The following DIAPH2 variants were observed in gnomAD, a reference collection of about 807,000 sequenced individuals.
The protein encoded by DIAPH2 is diaphanous related formin 2.
In DIAPH2, 35 loss-of-function variants were observed where a neutral mutation model predicts 92.7. The observed-to-expected ratio is 0.38, with a 90% CI of 0.29 to 0.50. DIAPH2 has a LOEUF of 0.50. Among genes scored for constraint, DIAPH2 ranks in the 20% least tolerant of loss-of-function variants. The probability of loss-of-function intolerance (pLI) is 0.94; values close to 1 mark genes in which losing one functional copy is unlikely to be tolerated. For synonymous variants in DIAPH2, 301 were observed against 280.4 expected (o/e 1.07, Z -0.73); for missense variants, 701 against 819.5 (o/e 0.86, Z 1.77).
At chrX:97,228,322 A>G (rs979640172) in intron 22 of DIAPH2, among the ~76,000 whole-genome samples, 1 of 111,886 alleles carries the variant, frequency 8.9e-6, no homozygotes, top group Non-Finnish European at 1.9e-5. Context: ...TTAGCTGCAA[A>G]TACATGAGGC....
chrX:97,486,541 GGT>G (rs2070689892), intron 26 of DIAPH2, among the ~76,000 whole-genome samples: 1 of 111,481 alleles, frequency 9.0e-6, no homozygotes, highest in South Asian at 3.8e-4. Flanking sequence ...GCCATTTCCT[GGT>G]GTGCTACCTG....
chrX:97,245,237 C>T (rs185263328), intron 22 of DIAPH2, among the ~76,000 whole-genome samples: 1 of 110,825 alleles, frequency 9.0e-6, no homozygotes, highest in Admixed American at 9.7e-5. Context: ...CTCCCAGGCT[C>T]AAGCGATCCT....
chrX:97,592,061 A>G (rs1303909518), intron 26 of DIAPH2, among the ~76,000 whole-genome samples: 1 of 112,144 alleles, frequency 8.9e-6, no homozygotes, highest in Non-Finnish European at 1.9e-5. Context: ...TCAGAATCCC[A>G]AGAGATTGGC....
At chrX:97,143,021 G>A (rs1290278066) in intron 22 of DIAPH2, among the ~76,000 whole-genome samples, 1 of 111,369 alleles carries the variant, frequency 9.0e-6, no homozygotes, top group Non-Finnish European at 1.9e-5. Flanking sequence ...AGTTTGTATC[G>A]TTTTGTGGTC....
chrX:97,452,436 T>G (rs1306999941), intron 26 of DIAPH2, among the ~76,000 whole-genome samples: 2 of 111,814 alleles, frequency 1.8e-5, no homozygotes, highest in African/African-American at 3.2e-5. Flanking sequence ...AATGACAAAT[T>G]TAGCATTCTG....
At position 97,045,892 on chromosome X, in the gene DIAPH2, C is replaced by A. The variant is rs753454192; in HGVS notation, c.2051-27049C>A. On this transcript the variant is annotated intron_variant, in intron 17 of 26. Transcript: ENST00000324765. Reference sequence around the variant, plus strand: ...TTTTTGAGACAGAGTCTCTATAGGCCAGGCTGGATGGAGTGCAGTGGTGCA... The same window carrying A: ...TTTTTGAGACAGAGTCTCTATAGGCAAGGCTGGATGGAGTGCAGTGGTGCA... Among the ~76,000 whole-genome samples the A allele has an allele frequency of 6.3e-5, 6 of 94,885 alleles. No individual in the cohort carries two copies. In the East Asian group the frequency reaches 1.9e-3, roughly 31 times the overall value. 82.4% of individuals were successfully genotyped at this position (94,885 alleles called of 115,157 possible).
intron 4 of DIAPH2, among the ~76,000 whole-genome samples, chrX:96,790,282 G>T (rs747709004): frequency 2.4e-4 from 26 of 110,002 alleles, no homozygotes; most frequent in African/African-American, 8.3e-4. Flanking sequence ...TGTTGGTCAG[G>T]CTGGTCTCAA....
chrX:97,068,216 G>A (rs2066645995), intron 17 of DIAPH2, among the ~76,000 whole-genome samples: 1 of 111,388 alleles, frequency 9.0e-6, no homozygotes, highest in Admixed American at 9.6e-5. Flanking sequence ...ATGACCTTGG[G>A]CATATGATCA....
At chrX:96,986,642 CAG>C (rs1175628890) in intron 17 of DIAPH2, among the ~76,000 whole-genome samples, 2 of 111,261 alleles carry the variant, frequency 1.8e-5, no homozygotes, top group Admixed American at 9.6e-5. Context: ...ATTTACATAA[CAG>C]AAATACAAGA....
chrX:97,308,455 T>C (rs2068764805), intron 23 of DIAPH2, among the ~76,000 whole-genome samples: 1 of 109,856 alleles, frequency 9.1e-6, no homozygotes, highest in East Asian at 2.9e-4. Flanking sequence ...TTTCCCTCAC[T>C]TCTGTACAGC....
intron 23 of DIAPH2, among the ~76,000 whole-genome samples, chrX:97,271,196 G>C (rs1228307293): frequency 2.7e-5 from 3 of 111,218 alleles, no homozygotes; most frequent in Non-Finnish European, 5.7e-5. Context: ...TGCTAATACA[G>C]CCTTGTATTT....
intron 26 of DIAPH2, among the ~76,000 whole-genome samples, chrX:97,595,558 C>A: frequency 9.2e-6 from 1 of 108,676 alleles, no homozygotes; most frequent in East Asian, 2.8e-4. Flanking sequence ...TGCACATTTT[C>A]TTTTCTTTCT....
chrX:97,373,717 C>G (rs1452726588), intron 24 of DIAPH2, among the ~76,000 whole-genome samples: 1 of 106,478 alleles, frequency 9.4e-6, no homozygotes. Flanking sequence ...AGCGATTCTC[C>G]TGCCTCAGCC....
At chrX:97,321,530 G>T in intron 23 of DIAPH2, among the ~76,000 whole-genome samples, 1 of 92,387 alleles carries the variant, frequency 1.1e-5, no homozygotes. Context: ...ATGTGTTTTT[G>T]TTGTTGTGTT....
In DIAPH2 at chrX:96,703,402, G is replaced by A. The variant is rs188666729; in HGVS notation, c.132+18212G>A. Among the ~76,000 whole-genome samples the A allele has an allele frequency of 2.6e-3, 294 of 111,827 alleles. 2 individuals carry two copies. The highest frequency in any genetic ancestry group is 9.0e-3 in the African/African-American group (277 of 30,803). On this transcript the variant is annotated intron_variant, in intron 1 of 26. Transcript: ENST00000324765. ...GATACCTTTTGGCATGCTTTAATTT[G>A]ACAGCTTTGAACTTGCAAAATTAAA... is the stretch of plus-strand genomic sequence containing the variant.
chrX:96,710,513 A>G (rs1369977425), intron 1 of DIAPH2, among the ~76,000 whole-genome samples: 1 of 111,071 alleles, frequency 9.0e-6, no homozygotes, highest in Non-Finnish European at 1.9e-5. Flanking sequence ...TGGTGATTCT[A>G]TATTTGTGTT....
intron 5 of DIAPH2, among the ~76,000 whole-genome samples, chrX:96,902,694 A>G (rs973663811): frequency 1.8e-5 from 2 of 111,758 alleles, no homozygotes; most frequent in Middle Eastern, 4.6e-3. Flanking sequence ...ATTTAAAAAA[A>G]CACATATTTA....
At chrX:97,506,681 G>A (rs188626858) in intron 26 of DIAPH2, among the ~76,000 whole-genome samples, 79 of 110,371 alleles carry the variant, frequency 7.2e-4, no homozygotes, top group African/African-American at 2.4e-3. Flanking sequence ...GAGTCAGTTC[G>A]AGTGTCACGT....
chrX:96,979,163 G>A (rs1174931116), intron 17 of DIAPH2, among the ~76,000 whole-genome samples: 1 of 112,194 alleles, frequency 8.9e-6, no homozygotes, highest in African/African-American at 3.2e-5. Flanking sequence ...TTACTCAAGG[G>A]CATGACTACC....
Sources: gnomAD v4.1 joint callset for allele counts (sites outside exome capture counted in the v4.1 genomes callset) on GRCh38, gnomAD v4.1.1 for gene constraint, MANE v1.5 for transcripts, NCBI Gene and HGNC (gene_info 2026-07-23, HGNC 2026-07-21) for gene names.